NCKAP1: variants seen among roughly 807,000 people sequenced by gnomAD.
The protein encoded by NCKAP1 is NCK associated protein 1, also known as nck-associated protein 1.
In NCKAP1, 21 loss-of-function variants were observed where a neutral mutation model predicts 151.2. The ratio of observed to expected loss-of-function variants is 0.14; its 90% CI spans 0.10 to 0.20. The LOEUF (loss-of-function observed/expected upper bound fraction) is 0.20. Ranked by LOEUF, NCKAP1 falls within the 10% of genes least tolerant of loss-of-function variation. NCKAP1 has a pLI of 1.00. For missense variants in NCKAP1, 933 were observed against 1,352.1 expected (o/e 0.69, Z 4.86); for synonymous variants, 484 against 451.8 (o/e 1.07, Z -0.90).
intron 1 of NCKAP1, among the ~76,000 whole-genome samples, 188 bp from the exon 2 acceptor site, chr2:183,024,104 C>G (rs763246740): frequency 5.9e-5 from 9 of 151,642 alleles, no homozygotes; most frequent in Non-Finnish European, 1.3e-4. Flanking sequence ...AGATGTTCTT[C>G]TACTGAAAAA....
chr2:182,961,431 G>A (rs1238441992), intron 18 of NCKAP1, among the ~76,000 whole-genome samples: 1 of 152,188 alleles, frequency 6.6e-6, no homozygotes, highest in African/African-American at 2.4e-5. Context: ...CCTTTGTAGG[G>A]ACATGGGTGA....
chr2:183,038,125 C>G lies in NCKAP1; in HGVS notation c.-26G>C, dbSNP rs1471911717. ...GGTGGTGCTGGTGCCGCCGCCGCCGCCGGCCGCCTCGCGCCCAGTCACGGG... is the reference window on the plus strand; with the variant it reads ...GGTGGTGCTGGTGCCGCCGCCGCCGGCGGCCGCCTCGCGCCCAGTCACGGG... On this transcript the variant is annotated 5_prime_UTR_variant, in exon 1 of 31. Transcript: ENST00000361354. 9 of 1,502,222 alleles carry G rather than the reference C, an allele frequency of 6.0e-6. No individual in the cohort carries two copies. Among genetic ancestry groups the G allele is most frequent in the Middle Eastern group, 1.8e-4 (1 of 5,578 alleles). 93.1% of individuals were successfully genotyped at this position (1,502,222 alleles called of 1,614,324 possible).
At chr2:183,003,642 T>C (rs892294402) in intron 2 of NCKAP1, among the ~76,000 whole-genome samples, 8 of 151,974 alleles carry the variant, frequency 5.3e-5, no homozygotes, top group African/African-American at 1.9e-4. Flanking sequence ...ATGAGCATGA[T>C]CACATTACTA....
At chr2:182,966,935 A>C (rs1697583692) in intron 16 of NCKAP1, among the ~76,000 whole-genome samples, 1 of 152,182 alleles carries the variant, frequency 6.6e-6, no homozygotes, top group Non-Finnish European at 1.5e-5. Context: ...GAAGGGCCTT[A>C]AGGTAATTTG....
In NCKAP1 at chr2:182,916,183, A is replaced by AC. The variant is rs1390126405; in HGVS notation, c.*9518_*9519insG. 6.6e-6 allele frequency: 1 copy of AC among 151,168 alleles called. No individual in the cohort carries two copies. Among genetic ancestry groups the AC allele is most frequent in the Non-Finnish European group, 1.5e-5 (1 of 67,852 alleles). 9.4% of individuals were successfully genotyped at this position (151,168 alleles called of 1,614,324 possible). ...TCGCCTTCTGTCAAAAAAAAAAAAA[A>AC]AAAAAAAACATGTCTCTGTGTCATC... is the stretch of plus-strand genomic sequence containing the variant. On this transcript the variant is annotated 3_prime_UTR_variant, in exon 31 of 31. Coordinates refer to ENST00000361354, the MANE Select transcript of NCKAP1 (RefSeq NM_013436.5).
chr2:182,978,940 T>A (rs764094904), intron 13 of NCKAP1, 25 bp from the exon 14 acceptor site: 3 of 1,540,616 alleles, frequency 1.9e-6, no homozygotes, highest in Non-Finnish European at 2.7e-6. Flanking sequence ...AAAAGTAACG[T>A]TAAAAACATC....
At chr2:183,026,793 TAAAG>T (rs1698906501) in intron 1 of NCKAP1, among the ~76,000 whole-genome samples, 1 of 152,088 alleles carries the variant, frequency 6.6e-6, no homozygotes, top group African/African-American at 2.4e-5. Flanking sequence ...AGAAGAGAGA[TAAAG>T]AAACCATGTA....
intron 2 of NCKAP1, among the ~76,000 whole-genome samples, chr2:183,009,265 C>T (rs969484331): frequency 2.6e-5 from 4 of 151,768 alleles, no homozygotes; most frequent in Admixed American, 2.0e-4. Flanking sequence ...GTCCCAGCTA[C>T]TCTGGAGGCT....
chr2:183,010,396 T>A (rs1479330430), intron 2 of NCKAP1, among the ~76,000 whole-genome samples: 1 of 152,058 alleles, frequency 6.6e-6, no homozygotes, highest in Non-Finnish European at 1.5e-5. Context: ...GCTGGGCCCA[T>A]CCCCCAGAAT....
intron 2 of NCKAP1, among the ~76,000 whole-genome samples, chr2:183,017,640 C>T (rs1346504965): frequency 1.3e-5 from 2 of 152,130 alleles, no homozygotes; most frequent in African/African-American, 4.8e-5. Flanking sequence ...CGGACTGGTA[C>T]CTGTCTGTGG....
At position 182,978,830 on chromosome 2, in the gene NCKAP1, T is replaced by C. The variant is rs955719389; in HGVS notation, c.1423+4A>G. 1.3e-6 allele frequency: 2 copies of C among 1,534,912 alleles called. No individual in the cohort carries two copies. The highest frequency in any genetic ancestry group is 2.7e-5 in the African/African-American group (2 of 73,132). Reference sequence around the variant, plus strand: ...AATATGCTTTTATTTAAAAGGCTTATTACCTTGTTTTACACTTAGGGAAGT... The same window carrying C: ...AATATGCTTTTATTTAAAAGGCTTACTACCTTGTTTTACACTTAGGGAAGT... On this transcript the variant is annotated splice_donor_region_variant and intron_variant, in intron 14 of 30. Transcript: ENST00000361354.
intron 2 of NCKAP1, among the ~76,000 whole-genome samples, chr2:183,007,831 G>A (rs1488294026): frequency 6.6e-6 from 1 of 152,162 alleles, no homozygotes; most frequent in Non-Finnish European, 1.5e-5. Context: ...CTCTCATGTG[G>A]ACTCCTACGG....
chr2:183,009,101 C>G (rs956210259), intron 2 of NCKAP1, among the ~76,000 whole-genome samples: 1 of 151,984 alleles, frequency 6.6e-6, no homozygotes, highest in African/African-American at 2.4e-5. Context: ...AGGCCAGGTG[C>G]GGAGGATCAC....
intron 1 of NCKAP1, among the ~76,000 whole-genome samples, chr2:183,026,597 A>T (rs16823929): frequency 6.6e-6 from 1 of 152,212 alleles, no homozygotes; most frequent in Admixed American, 6.5e-5. Flanking sequence ...TAACATACTT[A>T]ATTGGGAGGC....
At chr2:182,995,640 G>A in intron 7 of NCKAP1, 61 bp downstream of exon 7, 1 of 1,489,896 alleles carries the variant, frequency 6.7e-7, no homozygotes, top group Non-Finnish European at 9.2e-7. Context: ...CAGCATTACT[G>A]AACTATTATT....
At chr2:182,944,809 A>G (rs1697066597) in intron 23 of NCKAP1, among the ~76,000 whole-genome samples, 1 of 152,222 alleles carries the variant, frequency 6.6e-6, no homozygotes, top group Admixed American at 6.5e-5. Context: ...TGGAAATAAA[A>G]GCAAAGAAGT....
chr2:182,936,995 G>A (rs990448034), intron 24 of NCKAP1, among the ~76,000 whole-genome samples: 16 of 151,516 alleles, frequency 1.1e-4, no homozygotes, highest in Non-Finnish European at 2.9e-5. Flanking sequence ...CGTGCTTGTA[G>A]TCCCAGCTAC....
intron 27 of NCKAP1, among the ~76,000 whole-genome samples, chr2:182,929,412 C>A (rs572603936): frequency 3.2e-4 from 48 of 151,814 alleles, no homozygotes; most frequent in African/African-American, 1.0e-3. Flanking sequence ...GGGTTTTCAA[C>A]CTCTCTATTT....
Position 182,910,022 on chromosome 2 carries a change from C to A in NCKAP1, c.*15680G>T, listed in dbSNP as rs2105783377. ...CAAAAGAAAATGATAGGGTCGCAGA[C>A]AGAAAGTTTTATTCTAAGGAGTTCA... On this transcript the variant is annotated 3_prime_UTR_variant, in exon 31 of 31. Transcript: ENST00000361354. 1 of 152,328 alleles carries A rather than the reference C, an allele frequency of 6.6e-6. No homozygotes were observed. The highest frequency in any genetic ancestry group is 1.5e-5 in the Non-Finnish European group (1 of 68,042). The allele number at this position is 152,328 out of a possible 1,614,324, so 9.4% of individuals were successfully genotyped here.
Sources: gnomAD v4.1 joint callset for allele counts (sites outside exome capture counted in the v4.1 genomes callset) on GRCh38, gnomAD v4.1.1 for gene constraint, MANE v1.5 for transcripts, NCBI Gene and HGNC (gene_info 2026-07-23, HGNC 2026-07-21) for gene names.